The following STARD13 variants were observed in gnomAD, a reference collection of about 807,000 sequenced individuals.
STARD13 encodes the protein StAR related lipid transfer domain containing 13, also known as stAR-related lipid transfer protein 13.
STARD13 carries 62 observed loss-of-function variants against 106.4 expected under a neutral mutation model. That is an observed-to-expected ratio of 0.58 (90% CI 0.48 to 0.72). The LOEUF (loss-of-function observed/expected upper bound fraction) is 0.72, where lower values mean the gene tolerates loss of function less well. Ranked by LOEUF, STARD13 falls within the 30% of genes least tolerant of loss-of-function variation. STARD13 has a pLI of 0.00. For synonymous variants in STARD13, 565 were observed against 553.0 expected (o/e 1.02, Z -0.31); for missense variants, 1,387 against 1,424.0 (o/e 0.97, Z 0.42).
the STARD13 span, among the ~76,000 whole-genome samples, chr13:33,605,523 A>G: frequency 6.6e-6 from 1 of 152,178 alleles, no homozygotes; most frequent in Admixed American, 6.5e-5. Context: ...TAGGGTAACA[A>G]CAACAACAAA....
At chr13:33,550,962 T>C in the STARD13 span, among the ~76,000 whole-genome samples, 3 of 152,258 alleles carry the variant, frequency 2.0e-5, no homozygotes, top group African/African-American at 4.8e-5. Flanking sequence ...CTTCAACAGC[T>C]TGACTTTCTG....
At chr13:33,567,819 C>T in the STARD13 span, among the ~76,000 whole-genome samples, 1 of 147,834 alleles carries the variant, frequency 6.8e-6, no homozygotes, top group Non-Finnish European at 1.5e-5. Flanking sequence ...ATCTCCATGT[C>T]AAAATAGCTG....
chr13:33,350,528 G>A, exon 1 of STARD13: 4 of 1,442,282 alleles, frequency 2.8e-6, no homozygotes, highest in Non-Finnish European at 3.7e-6. Flanking sequence ...CCGGGGTCCC[G>A]GGACCCAATG....
the STARD13 span, among the ~76,000 whole-genome samples, chr13:33,602,900 G>A: frequency 6.6e-6 from 1 of 152,218 alleles, no homozygotes; most frequent in East Asian, 1.9e-4. Context: ...ACCCCTGGCT[G>A]TAGAAAAATT....
chr13:33,465,269 G>C, the STARD13 span, among the ~76,000 whole-genome samples: 1 of 143,394 alleles, frequency 7.0e-6, no homozygotes, highest in Admixed American at 7.0e-5. Flanking sequence ...GCAGTGGCGC[G>C]ATCTCGGCTC....
intron 1 of STARD13, among the ~76,000 whole-genome samples, chr13:33,225,314 T>C (rs929463986): frequency 5.3e-5 from 8 of 152,358 alleles, no homozygotes; most frequent in Non-Finnish European, 8.8e-5. Flanking sequence ...TGAGCCAGAC[T>C]GGTTTTTTAC....
At chr13:33,607,384 G>A in the STARD13 span, among the ~76,000 whole-genome samples, 395 of 149,498 alleles carry the variant, frequency 2.6e-3, 1 homozygote, top group African/African-American at 9.4e-3. Context: ...TGCAACCTCC[G>A]CCTCCTGGGT....
the STARD13 span, among the ~76,000 whole-genome samples, chr13:33,407,254 T>C: frequency 6.6e-6 from 1 of 152,220 alleles, no homozygotes; most frequent in Admixed American, 6.5e-5. Context: ...CCTTCAAGTC[T>C]GCTGTAAAGG....
chr13:33,204,948 G>A (rs1887309468), intron 1 of STARD13, among the ~76,000 whole-genome samples: 1 of 152,212 alleles, frequency 6.6e-6, no homozygotes, highest in African/African-American at 2.4e-5. Context: ...TTCCGCCTGT[G>A]TAAATTGTAA....
chr13:33,306,737 G>T (rs1276395995), intron 1 of STARD13, among the ~76,000 whole-genome samples: 2 of 152,188 alleles, frequency 1.3e-5, no homozygotes, highest in African/African-American at 4.8e-5. Context: ...ATCTCTTGAG[G>T]TCAGGAGTTC....
At chr13:33,176,081 T>C (rs1884489379) in intron 1 of STARD13, among the ~76,000 whole-genome samples, 1 of 152,206 alleles carries the variant, frequency 6.6e-6, no homozygotes, top group African/African-American at 2.4e-5. Context: ...GCAAGATAGA[T>C]ACAGCTTGGC....
the STARD13 span, among the ~76,000 whole-genome samples, chr13:33,606,748 CAA>C: frequency 1.8e-4 from 27 of 152,342 alleles, no homozygotes; most frequent in African/African-American, 5.3e-4. Context: ...TTCTACAGAT[CAA>C]AAGTCTAACA....
chr13:33,512,738 G>A, the STARD13 span, among the ~76,000 whole-genome samples: 5 of 152,084 alleles, frequency 3.3e-5, no homozygotes, highest in Non-Finnish European at 7.4e-5. Flanking sequence ...CAAAGTACTG[G>A]GATTACAGGC....
the STARD13 span, among the ~76,000 whole-genome samples, chr13:33,590,726 G>A: frequency 1.6e-5 from 2 of 125,468 alleles, no homozygotes; most frequent in African/African-American, 5.9e-5. Flanking sequence ...GGAGGGGGGA[G>A]GGATAGCATT....
the STARD13 span, among the ~76,000 whole-genome samples, chr13:33,539,641 G>A: frequency 6.6e-6 from 1 of 152,110 alleles, no homozygotes; most frequent in Non-Finnish European, 1.5e-5. Context: ...TCTTTTTAAC[G>A]AATGCTACCA....
chr13:33,259,387 A>C (rs140010776), intron 1 of STARD13, among the ~76,000 whole-genome samples: 1 of 152,222 alleles, frequency 6.6e-6, no homozygotes, highest in Non-Finnish European at 1.5e-5. Flanking sequence ...AAGAATGTGC[A>C]CAGGAATAAA....
intron 1 of STARD13, among the ~76,000 whole-genome samples, chr13:33,182,526 T>C (rs544864422): frequency 3.9e-5 from 6 of 152,280 alleles, no homozygotes; most frequent in African/African-American, 9.6e-5. Flanking sequence ...CCGGACCACA[T>C]TGGAATAAGA....
chr13:33,533,204 C>G, the STARD13 span, among the ~76,000 whole-genome samples: 1 of 152,146 alleles, frequency 6.6e-6, no homozygotes, highest in Non-Finnish European at 1.5e-5. Context: ...CCAGTCCTTT[C>G]TACCTAGTAA....
the STARD13 span, among the ~76,000 whole-genome samples, chr13:33,616,463 C>T: frequency 6.6e-6 from 1 of 152,174 alleles, no homozygotes; most frequent in Admixed American, 6.5e-5. Context: ...GAATGGGAAT[C>T]TCAGAAATCT....
Sources: gnomAD v4.1 joint callset for allele counts (sites outside exome capture counted in the v4.1 genomes callset) on GRCh38, gnomAD v4.1.1 for gene constraint, MANE v1.5 for transcripts, NCBI Gene and HGNC (gene_info 2026-07-23, HGNC 2026-07-21) for gene names.